The following CHL1 variants were observed in gnomAD, a reference collection of about 807,000 sequenced individuals.
CHL1 encodes the protein cell adhesion molecule L1 like.
Under a neutral mutation model 141.9 loss-of-function variants are expected in CHL1, and 96 were observed. The observed-to-expected ratio is 0.68, with a 90% CI of 0.57 to 0.80. CHL1 has a LOEUF of 0.80. Ranked by LOEUF, CHL1 falls within the 30% of genes least tolerant of loss-of-function variation. CHL1 has a pLI of 0.00. For synonymous variants in CHL1, 613 were observed against 502.2 expected (o/e 1.22, Z -2.95); for missense variants, 1,820 against 1,457.2 (o/e 1.25, Z -4.05).
chr3:379,893 G>A (rs111476102), intron 16 of CHL1, among the ~76,000 whole-genome samples: 3,660 of 151,962 alleles, frequency 0.024, 148 homozygotes, highest in African/African-American at 0.084. Flanking sequence ...CACATACGAG[G>A]TTTCTAAAAG....
Position 396,831 on chromosome 3 carries a change from A to G in CHL1, c.3095-1396A>G, listed in dbSNP as rs999961292. On this transcript the variant is annotated intron_variant, in intron 24 of 27. Transcript: ENST00000256509. ...GAAAAAAATTACAATCTCTTTTTCT[A>G]CTAGAGTTCAACATGATCTTTGAAA... Among the ~76,000 whole-genome samples the G allele has an allele frequency of 5.3e-5, 8 of 152,242 alleles. 1 individual carries two copies. The highest frequency in any genetic ancestry group is 3.4e-3 in the Middle Eastern group (1 of 294).
At chr3:364,193 A>G (rs1457340067) in intron 14 of CHL1, among the ~76,000 whole-genome samples, 1 of 150,600 alleles carries the variant, frequency 6.6e-6, no homozygotes, top group Non-Finnish European at 1.5e-5. Context: ...TTTGCTGTAC[A>G]TCCTTTTCTT....
intron 3 of CHL1, among the ~76,000 whole-genome samples, chr3:324,375 C>A (rs1362954793): frequency 2.6e-5 from 4 of 152,036 alleles, no homozygotes; most frequent in Non-Finnish European, 5.9e-5. Flanking sequence ...TGTGAATCAA[C>A]CCTGTCTTTT....
At chr3:252,039 C>T (rs1001734715) in intron 2 of CHL1, among the ~76,000 whole-genome samples, 1 of 151,964 alleles carries the variant, frequency 6.6e-6, no homozygotes, top group African/African-American at 2.4e-5. Context: ...TAAGGTTAAA[C>T]TTTCCAACCA....
At chr3:213,400 A>C (rs570334890) in intron 1 of CHL1, 1 of 152,250 alleles carries the variant, frequency 6.6e-6, no homozygotes, top group South Asian at 2.1e-4. Context: ...TTAAATGAAA[A>C]TTTATGAAGT....
At chr3:331,373 C>T (rs1415091343) in intron 5 of CHL1, among the ~76,000 whole-genome samples, 1 of 152,108 alleles carries the variant, frequency 6.6e-6, no homozygotes, top group Admixed American at 6.6e-5. Flanking sequence ...ACTAGGACTA[C>T]AGGCGAGTGC....
chr3:276,293 C>G (rs1431706261), intron 2 of CHL1, among the ~76,000 whole-genome samples: 1 of 152,104 alleles, frequency 6.6e-6, no homozygotes, highest in Non-Finnish European at 1.5e-5. Context: ...TAAAATATAT[C>G]AAATGAATCA....
At chr3:252,353 A>G (rs1356664165) in intron 2 of CHL1, among the ~76,000 whole-genome samples, 1 of 102,296 alleles carries the variant, frequency 9.8e-6, no homozygotes, top group Admixed American at 1.3e-4. Flanking sequence ...GATTTAAGAA[A>G]GCATCCAGAT....
At chr3:254,311 ACT>A (rs913522030) in intron 2 of CHL1, among the ~76,000 whole-genome samples, 1 of 151,854 alleles carries the variant, frequency 6.6e-6, no homozygotes, top group Non-Finnish European at 1.5e-5. Flanking sequence ...AATAAACAAG[ACT>A]CTTCTTCCCA....
At chr3:219,080 T>C (rs1210139816) in intron 1 of CHL1, among the ~76,000 whole-genome samples, 3 of 150,080 alleles carry the variant, frequency 2.0e-5, no homozygotes, top group Middle Eastern at 3.2e-3. Context: ...ACCCGGGAGG[T>C]GGAGCTTGCA....
intron 1 of CHL1, among the ~76,000 whole-genome samples, 154 bp from the exon 2 acceptor site, chr3:244,459 T>C (rs1692969229): frequency 6.6e-6 from 1 of 152,184 alleles, no homozygotes; most frequent in African/African-American, 2.4e-5. Context: ...AACAGAGCAA[T>C]ACTATAGCTT....
At chr3:390,523 T>C (rs988558941) in intron 20 of CHL1, among the ~76,000 whole-genome samples, 178 bp from the exon 21 acceptor site, 1 of 152,208 alleles carries the variant, frequency 6.6e-6, no homozygotes, top group African/African-American at 2.4e-5. Context: ...TCCTCTTCTT[T>C]GGGAAATCTA....
chr3:236,796 C>T (rs184858696), intron 1 of CHL1, among the ~76,000 whole-genome samples: 1 of 145,722 alleles, frequency 6.9e-6, no homozygotes, highest in South Asian at 2.1e-4. Context: ...ATCCCATGGC[C>T]CCAGCCTCTT....
chr3:229,365 C>A (rs1701665262), intron 1 of CHL1, among the ~76,000 whole-genome samples: 1 of 152,134 alleles, frequency 6.6e-6, no homozygotes, highest in African/African-American at 2.4e-5. Flanking sequence ...TTTCCCCATG[C>A]CCCCGTTGAT....
At chr3:334,906 T>C (rs948781267) in intron 5 of CHL1, among the ~76,000 whole-genome samples, 2 of 152,224 alleles carry the variant, frequency 1.3e-5, no homozygotes, top group South Asian at 4.1e-4. Flanking sequence ...TTATATTTAT[T>C]TCATTGATTT....
chr3:323,582 G>A (rs921417845), intron 3 of CHL1, among the ~76,000 whole-genome samples: 1 of 152,094 alleles, frequency 6.6e-6, no homozygotes, highest in East Asian at 1.9e-4. Context: ...ACAATCATCA[G>A]AAAGGACTCT....
intron 1 of CHL1, among the ~76,000 whole-genome samples, chr3:242,243 T>C (rs1403276979): frequency 1.3e-5 from 2 of 152,208 alleles, no homozygotes; most frequent in African/African-American, 4.8e-5. Context: ...AAGGATGGTC[T>C]GTGCATCTCT....
intron 8 of CHL1, among the ~76,000 whole-genome samples, chr3:343,399 C>T (rs982883766): frequency 3.9e-5 from 6 of 152,038 alleles, no homozygotes; most frequent in Non-Finnish European, 7.4e-5. Flanking sequence ...GAAAACACTG[C>T]GTTTAAGAAA....
chr3:364,256 C>A (rs1409761407), intron 14 of CHL1, among the ~76,000 whole-genome samples: 1 of 152,030 alleles, frequency 6.6e-6, no homozygotes, highest in African/African-American at 2.4e-5. Context: ...TGTGCCAGCC[C>A]CACAGACTAT....
Sources: allele counts gnomAD v4.1 joint callset (sites outside exome capture counted in the v4.1 genomes callset), GRCh38; gene constraint gnomAD v4.1.1; transcripts MANE v1.5; gene names NCBI Gene and HGNC (gene_info 2026-07-23, HGNC 2026-07-21).